STAT3: variants seen among roughly 807,000 people sequenced by gnomAD.
The protein encoded by STAT3 is signal transducer and activator of transcription 3, also known as DNA-binding protein APRF.
Under a neutral mutation model 114.3 loss-of-function variants are expected in STAT3, and 7 were observed. The observed-to-expected ratio is 0.06, with a 90% CI of 0.03 to 0.11. The LOEUF is 0.11. STAT3 is among the 10% of genes least tolerant of loss of function. The pLI is 1.00. For missense variants in STAT3, 364 were observed against 960.9 expected, an observed-to-expected ratio of 0.38 and a Z score of 8.21; for synonymous variants, 331 against 354.5, an observed-to-expected ratio of 0.93 and a Z score of 0.74.
Position 42,314,928 on chromosome 17 carries a change from T to C in STAT3, c.*817A>G, listed in dbSNP as rs2081196567. 5.6e-6 allele frequency: 1 copy of C among 178,752 alleles called. No homozygotes were observed. 11.1% of individuals were successfully genotyped at this position (178,752 alleles called of 1,614,324 possible). ...GAGTGCAGTGTGCAGTGGTGCAATT[T>C]TGGCTCACTGCAACCTCCGCCTCTC... On this transcript the variant is annotated 3_prime_UTR_variant, in exon 24 of 24. Coordinates refer to ENST00000264657, the MANE Select transcript of STAT3 (RefSeq NM_139276.3).
intron 1 of STAT3, among the ~76,000 whole-genome samples, chr17:42,356,050 G>A (rs2083210256): frequency 1.3e-5 from 2 of 152,232 alleles, no homozygotes; most frequent in Non-Finnish European, 2.9e-5. Flanking sequence ...TTTAAATAGA[G>A]CATACCTGTG....
intron 4 of STAT3, among the ~76,000 whole-genome samples, chr17:42,341,149 C>G (rs768576345): frequency 2.0e-5 from 3 of 152,194 alleles, no homozygotes; most frequent in East Asian, 1.9e-4. Flanking sequence ...TCAAGCAGGA[C>G]TACACTTAAA....
chr17:42,368,210 AAAAT>A (rs560210517), intron 1 of STAT3, among the ~76,000 whole-genome samples: 15 of 152,282 alleles, frequency 9.9e-5, no homozygotes, highest in Admixed American at 2.0e-4. Context: ...CAAAAGAAAA[AAAAT>A]AAATAAACAA....
chr17:42,388,101 G>T, intron 1 of STAT3, 178 bp downstream of exon 1: 2 of 764,636 alleles, frequency 2.6e-6, no homozygotes, highest in Non-Finnish European at 3.6e-6. Flanking sequence ...CCCTTCCGAG[G>T]CCCGCTCCTG....
intron 8 of STAT3, among the ~76,000 whole-genome samples, chr17:42,335,620 A>AAGAATAG (rs2082198125): frequency 1.3e-5 from 2 of 152,226 alleles, no homozygotes; most frequent in South Asian, 4.1e-4. Flanking sequence ...ATCTATCTCC[A>AAGAATAG]AGAATAGAGA....
chr17:42,317,090 T>G (rs2081283797), intron 22 of STAT3, 92 bp downstream of exon 22: 1 of 1,597,858 alleles, frequency 6.3e-7, no homozygotes, highest in Non-Finnish European at 8.5e-7. Flanking sequence ...GCTTCCAACC[T>G]TTGGCAGATT....
At chr17:42,387,813 G>C (rs1005434314) in intron 1 of STAT3, 2 of 155,602 alleles carry the variant, frequency 1.3e-5, no homozygotes, top group Admixed American at 1.3e-4. Flanking sequence ...GCTGTCTCCT[G>C]AAGGAGCGGG....
chr17:42,359,151 G>T (rs1027801186), intron 1 of STAT3, among the ~76,000 whole-genome samples: 1 of 151,894 alleles, frequency 6.6e-6, no homozygotes, highest in Non-Finnish European at 1.5e-5. Context: ...TAGCCAGGAT[G>T]ATCTCAATCA....
chr17:42,369,002 C>T (rs767710875), intron 1 of STAT3, among the ~76,000 whole-genome samples: 2 of 152,060 alleles, frequency 1.3e-5, no homozygotes, highest in African/African-American at 4.8e-5. Flanking sequence ...ACGTGGTCTT[C>T]GGTTTTCTGT....
Position 42,324,692 on chromosome 17 carries a change from G to A in STAT3, c.1600+19C>T, listed in dbSNP as rs2144714357. 1.9e-6 allele frequency: 3 copies of A among 1,591,484 alleles called. No individual in the cohort carries two copies. Among genetic ancestry groups the A allele is most frequent in the Non-Finnish European group, 2.6e-6 (3 of 1,169,014 alleles). On this transcript the variant is annotated intron_variant, in intron 17 of 23. Coordinates refer to ENST00000264657, the MANE Select transcript of STAT3 (RefSeq NM_139276.3). The surrounding 1 kb of genome is among the most constrained non-coding windows in gnomAD (Gnocchi z 4.5). ...TTTCTGGGCGGGTGGGCGGGAGGGA[G>A]AAGGGGTGAAATGCGGACCCAAGAG...
chr17:42,337,126 C>T lies in STAT3; in HGVS notation c.797+309G>A, dbSNP rs1044726408. Among the ~76,000 whole-genome samples, 3 of 152,018 alleles carry T rather than the reference C, an allele frequency of 2.0e-5. No individual in the cohort carries two copies. The highest frequency in any genetic ancestry group is 2.1e-4 in the South Asian group (1 of 4,820). ...CCCAGAGTAGCTGGGACTACAGGTG[C>T]GCACCACCACGCCCGGCTAATTTTT... On this transcript the variant is annotated intron_variant, in intron 8 of 23. Transcript: ENST00000264657. The surrounding 1 kb of genome is among the most constrained non-coding windows in gnomAD (Gnocchi z 4.0).
At chr17:42,356,548 T>TG (rs2083240638) in intron 1 of STAT3, among the ~76,000 whole-genome samples, 1 of 151,312 alleles carries the variant, frequency 6.6e-6, no homozygotes, top group Non-Finnish European at 1.5e-5. Context: ...TATTTTTTTT[T>TG]TTTTACATTG....
chr17:42,341,235 A>C (rs767324256), intron 4 of STAT3, among the ~76,000 whole-genome samples: 4 of 152,192 alleles, frequency 2.6e-5, no homozygotes, highest in Non-Finnish European at 4.4e-5. Flanking sequence ...TTGGCTCCCC[A>C]CTGCTTCCAG....
Position 42,319,240 on chromosome 17 carries a change from C to CAAAACA in STAT3, c.2102-2022_2102-2017dup, listed in dbSNP as rs922167194. 3.4e-5 allele frequency among the ~76,000 whole-genome samples: 5 copies of CAAAACA among 147,950 alleles called. No homozygotes were observed. The East Asian group carries it at 8.2e-4, about 24-fold the overall frequency. On this transcript the variant is annotated intron_variant, in intron 21 of 23. Coordinates refer to ENST00000264657, the MANE Select transcript of STAT3 (RefSeq NM_139276.3). Reference sequence around the variant, plus strand: ...GTGACAGAGTGACAGACTGTCAAAACAAAACAAAAACAAAAACAAGGCTGG... The same window carrying CAAAACA: ...GTGACAGAGTGACAGACTGTCAAAACAAAACAAAAACAAAAACAAAAACAAGGCTGG...
chr17:42,354,762 G>T (rs180692412), intron 1 of STAT3, among the ~76,000 whole-genome samples: 1 of 137,476 alleles, frequency 7.3e-6, no homozygotes, highest in Admixed American at 7.4e-5. Flanking sequence ...AGCCAAGATC[G>T]TGCCATTGCA....
At chr17:42,359,794 C>T (rs1191641807) in intron 1 of STAT3, among the ~76,000 whole-genome samples, 1 of 152,118 alleles carries the variant, frequency 6.6e-6, no homozygotes, top group Non-Finnish European at 1.5e-5. Flanking sequence ...GGTGCGGTGG[C>T]TCACGCCTGT....
intron 1 of STAT3, among the ~76,000 whole-genome samples, chr17:42,353,988 T>C (rs921814017): frequency 1.3e-5 from 2 of 152,164 alleles, no homozygotes; most frequent in Non-Finnish European, 2.9e-5. Flanking sequence ...TGCTCCATCA[T>C]AGATTAACAC....
intron 3 of STAT3, 76 bp downstream of exon 3, chr17:42,346,493 A>C: frequency 1.9e-6 from 3 of 1,599,008 alleles, no homozygotes; most frequent in Non-Finnish European, 2.6e-6. Flanking sequence ...ATGAGAAAAG[A>C]GATGCTTCCA....
chr17:42,382,790 G>C (rs1186372082), intron 1 of STAT3, among the ~76,000 whole-genome samples: 4 of 152,110 alleles, frequency 2.6e-5, no homozygotes, highest in African/African-American at 9.6e-5. Context: ...GGGACTACAG[G>C]CGTCTGCCAC....
Sources: allele counts gnomAD v4.1 joint callset (sites outside exome capture counted in the v4.1 genomes callset), GRCh38; gene constraint gnomAD v4.1.1; non-coding constraint Gnocchi (gnomAD v3.1); transcripts MANE v1.5; gene names NCBI Gene and HGNC (gene_info 2026-07-23, HGNC 2026-07-21).